The following CDK14 variants were observed in gnomAD, a reference collection of about 807,000 sequenced individuals.
CDK14 encodes cyclin dependent kinase 14.
CDK14 carries 34 observed loss-of-function variants against 60.7 expected under a neutral mutation model. The observed-to-expected ratio is 0.56, with a 90% confidence interval of 0.43 to 0.75. CDK14 has a LOEUF of 0.75. Among genes scored for constraint, CDK14 ranks in the 30% least tolerant of loss-of-function variants. CDK14 has a pLI of 0.00. For missense variants in CDK14, 482 were observed against 564.1 expected, an observed-to-expected ratio of 0.85 and a Z score of 1.47; for synonymous variants, 197 against 203.7, an observed-to-expected ratio of 0.97 and a Z score of 0.28.
At chr7:90,902,044 CA>C (rs1445250696) in intron 7 of CDK14, among the ~76,000 whole-genome samples, 6 of 151,598 alleles carry the variant, frequency 4.0e-5, no homozygotes, top group Non-Finnish European at 8.8e-5. Flanking sequence ...TCAGTTTAAC[CA>C]AGGAAGATGA....
chr7:90,728,942 T>A (rs1802743239), intron 3 of CDK14, among the ~76,000 whole-genome samples: 1 of 151,886 alleles, frequency 6.6e-6, no homozygotes, highest in Non-Finnish European at 1.5e-5. Flanking sequence ...ACCCAATTTA[T>A]TTTTTTTAGG....
intron 2 of CDK14, among the ~76,000 whole-genome samples, chr7:90,691,425 C>A (rs1238475424): frequency 6.6e-6 from 1 of 152,024 alleles, no homozygotes; most frequent in Non-Finnish European, 1.5e-5. Context: ...GAAGAAGTGA[C>A]CCATGAGGCT....
rs369313676 is a variant in CDK14 at position 91,090,343 on chromosome 7, T to C, written c.1154+10863T>C. Among the ~76,000 whole-genome samples the C allele has an allele frequency of 3.9e-5, 6 of 152,190 alleles. No homozygotes were observed. In the East Asian group the frequency reaches 1.2e-3, roughly 29 times the overall value. ...AAGGATATAGAGCAGTACTGTCCAA[T>C]AGATCTTTATGCATTGACAAGAATG... is the stretch of plus-strand genomic sequence containing the variant. On this transcript the variant is annotated intron_variant, in intron 12 of 14. Transcript: ENST00000380050.
chr7:91,172,249 C>A (rs1268298850), intron 14 of CDK14, among the ~76,000 whole-genome samples: 1 of 152,170 alleles, frequency 6.6e-6, no homozygotes, highest in Non-Finnish European at 1.5e-5. Flanking sequence ...TTATTATTTG[C>A]GTAGTTGCCC....
chr7:91,149,924 G>A (rs1027268809), intron 14 of CDK14, among the ~76,000 whole-genome samples: 6 of 152,166 alleles, frequency 3.9e-5, no homozygotes, highest in South Asian at 4.1e-4. Flanking sequence ...GTGATTTCAC[G>A]CTCAGTTGTT....
chr7:90,955,857 G>A (rs762532996), intron 9 of CDK14, 40 bp downstream of exon 9: 1 of 1,608,494 alleles, frequency 6.2e-7, no homozygotes. Flanking sequence ...TCTATCTGTA[G>A]TGCTTGGTCT....
chr7:90,691,184 G>A (rs539819652), intron 2 of CDK14, among the ~76,000 whole-genome samples: 2 of 152,120 alleles, frequency 1.3e-5, no homozygotes, highest in South Asian at 2.1e-4. Context: ...TATCTCAGTT[G>A]TGGACCATGA....
intron 14 of CDK14, among the ~76,000 whole-genome samples, chr7:91,171,744 T>A (rs1253838727): frequency 6.6e-6 from 1 of 152,184 alleles, no homozygotes; most frequent in Non-Finnish European, 1.5e-5. Flanking sequence ...CCTCCTGGAT[T>A]CAAGCGATTC....
In CDK14 at chr7:90,621,613, T is replaced by TTTCCTTCCTTCC. The variant is rs3835010; in HGVS notation, c.123+17410_123+17421dup. On this transcript the variant is annotated intron_variant, in intron 2 of 14. Coordinates refer to ENST00000380050, the MANE Select transcript of CDK14 (RefSeq NM_001287135.2). ...ATTTGTTCCCATAATTCAGACTTTTTTTCCTTCCTTCCTTCCTTCCTTCCT... is the reference window on the plus strand; with the variant it reads ...ATTTGTTCCCATAATTCAGACTTTTTTTCCTTCCTTCCTTCCTTCCTTCCTTCCTTCCTTCCT... Among the ~76,000 whole-genome samples the TTTCCTTCCTTCC allele has an allele frequency of 1.6e-3, 200 of 128,348 alleles. 2 individuals are homozygous for TTTCCTTCCTTCC. Among genetic ancestry groups the TTTCCTTCCTTCC allele is most frequent in the Middle Eastern group, 3.9e-3 (1 of 254 alleles). The allele number at this position is 128,348 out of a possible 152,430, so 84.2% of individuals were successfully genotyped here.
chr7:90,924,907 G>C (rs1267995065), intron 8 of CDK14, among the ~76,000 whole-genome samples: 1 of 151,856 alleles, frequency 6.6e-6, no homozygotes, highest in Non-Finnish European at 1.5e-5. Context: ...TTCTTCTGTG[G>C]TAATAGATAA....
chr7:91,185,543 A>G (rs1747968172), intron 14 of CDK14, among the ~76,000 whole-genome samples: 1 of 151,940 alleles, frequency 6.6e-6, no homozygotes, highest in Admixed American at 6.6e-5. Flanking sequence ...ACCCACCAGT[A>G]TATTATTGTC....
chr7:90,674,377 T>A (rs1206182399), intron 2 of CDK14, among the ~76,000 whole-genome samples: 1 of 152,134 alleles, frequency 6.6e-6, no homozygotes, highest in Non-Finnish European at 1.5e-5. Context: ...TCAGCTTCAG[T>A]AAATCTTATC....
intron 11 of CDK14, among the ~76,000 whole-genome samples, chr7:91,072,501 C>T (rs888433814): frequency 6.6e-6 from 1 of 152,084 alleles, no homozygotes; most frequent in African/African-American, 2.4e-5. Flanking sequence ...AAAATGTTCC[C>T]GCAAAAACCT....
chr7:91,083,091 T>C (rs1218568123), intron 12 of CDK14, among the ~76,000 whole-genome samples: 1 of 152,238 alleles, frequency 6.6e-6, no homozygotes, highest in Non-Finnish European at 1.5e-5. Flanking sequence ...TTAAATCATC[T>C]TTCCCCACTT....
intron 6 of CDK14, among the ~76,000 whole-genome samples, chr7:90,898,424 A>G (rs1453457158): frequency 6.6e-6 from 1 of 152,126 alleles, no homozygotes; most frequent in African/African-American, 2.4e-5. Context: ...TCTTGAATGT[A>G]TTATAAAACT....
chr7:91,082,769 A>G (rs975805052), intron 12 of CDK14, among the ~76,000 whole-genome samples: 2 of 152,216 alleles, frequency 1.3e-5, no homozygotes, highest in African/African-American at 4.8e-5. Context: ...ATAAAACATA[A>G]TGTATTTAAA....
At chr7:90,765,153 G>A (rs970912110) in intron 4 of CDK14, among the ~76,000 whole-genome samples, 2 of 152,202 alleles carry the variant, frequency 1.3e-5, no homozygotes, top group African/African-American at 4.8e-5. Context: ...CAAACAAGTA[G>A]TGTTACAAAT....
At chr7:91,009,739 A>G (rs1311362827) in intron 10 of CDK14, among the ~76,000 whole-genome samples, 1 of 152,052 alleles carries the variant, frequency 6.6e-6, no homozygotes, top group African/African-American at 2.4e-5. Flanking sequence ...TGAGAACTTT[A>G]TCAGTTATTT....
chr7:90,811,880 T>C (rs193290131), intron 5 of CDK14, among the ~76,000 whole-genome samples: 1 of 152,342 alleles, frequency 6.6e-6, no homozygotes, highest in African/African-American at 2.4e-5. Flanking sequence ...TCATCATCAC[T>C]GGCCATCAGA....
Sources: gnomAD v4.1 joint callset for allele counts (sites outside exome capture counted in the v4.1 genomes callset) on GRCh38, gnomAD v4.1.1 for gene constraint, MANE v1.5 for transcripts, NCBI Gene and HGNC (gene_info 2026-07-23, HGNC 2026-07-21) for gene names.